Variants in SLC8A1 observed in about 807,000 individuals in gnomAD.
SLC8A1 encodes sodium/calcium exchanger 1.
In SLC8A1, 18 loss-of-function variants were observed where a neutral mutation model predicts 68.3. The observed-to-expected ratio is 0.26, with a 90% confidence interval of 0.18 to 0.39. SLC8A1 has a LOEUF of 0.39. Ranked by LOEUF, SLC8A1 falls within the 10% of genes least tolerant of loss-of-function variation. SLC8A1 has a pLI of 1.00. For synonymous variants in SLC8A1, 475 were observed against 415.5 expected, an observed-to-expected ratio of 1.14 and a Z score of -1.74; for missense variants, 985 against 1,156.7, an observed-to-expected ratio of 0.85 and a Z score of 2.15.
At chr2:40,326,889 C>T (rs1409908856) in intron 2 of SLC8A1, among the ~76,000 whole-genome samples, 1 of 152,196 alleles carries the variant, frequency 6.6e-6, no homozygotes, top group East Asian at 1.9e-4. Context: ...CCTAACCAGA[C>T]TGCAGAGGTA....
At chr2:40,262,719 C>T (rs953729909) in intron 2 of SLC8A1, among the ~76,000 whole-genome samples, 3 of 152,116 alleles carry the variant, frequency 2.0e-5, no homozygotes, top group African/African-American at 7.2e-5. Context: ...GGAGATTTTG[C>T]TCGAGTAATG....
intron 2 of SLC8A1, among the ~76,000 whole-genome samples, chr2:40,365,673 T>A (rs1200310582): frequency 6.6e-6 from 1 of 152,060 alleles, no homozygotes; most frequent in Non-Finnish European, 1.5e-5. Context: ...CACACAAACA[T>A]GTCATTCATT....
chr2:40,210,035 G>A (rs2056293393), intron 2 of SLC8A1: 1 of 152,210 alleles, frequency 6.6e-6, no homozygotes. Flanking sequence ...GTGAGAGAAT[G>A]TATATTTGCT....
intron 2 of SLC8A1, among the ~76,000 whole-genome samples, chr2:40,322,500 T>TG: frequency 9.9e-6 from 1 of 100,650 alleles, no homozygotes; most frequent in South Asian, 2.7e-4. Flanking sequence ...CTACAAAAGG[T>TG]TAAAAAAAAA....
intron 1 of SLC8A1, among the ~76,000 whole-genome samples, chr2:40,469,593 A>G (rs890989753): frequency 4.7e-5 from 7 of 149,412 alleles, no homozygotes; most frequent in African/African-American, 1.7e-4. Context: ...CATCCTTTTT[A>G]TTTTTATTTT....
chr2:40,357,792 C>T (rs1673190348), intron 2 of SLC8A1, among the ~76,000 whole-genome samples: 1 of 152,120 alleles, frequency 6.6e-6, no homozygotes, highest in South Asian at 2.1e-4. Flanking sequence ...GCTTATACGA[C>T]ATTCCTTTAG....
intron 2 of SLC8A1, among the ~76,000 whole-genome samples, chr2:40,230,299 C>T (rs759012467): frequency 9.9e-5 from 15 of 152,172 alleles, no homozygotes; most frequent in Admixed American, 2.6e-4. Context: ...GCCTGTGACA[C>T]ATAAGCTTCT....
intron 2 of SLC8A1, among the ~76,000 whole-genome samples, chr2:40,238,185 C>T (rs970994555): frequency 3.3e-5 from 5 of 151,796 alleles, no homozygotes; most frequent in South Asian, 2.1e-4. Flanking sequence ...TGGGCAATGG[C>T]GGGCGCCCCT....
At chr2:40,326,650 T>C (rs1243680668) in intron 2 of SLC8A1, among the ~76,000 whole-genome samples, 2 of 152,148 alleles carry the variant, frequency 1.3e-5, no homozygotes, top group Non-Finnish European at 2.9e-5. Flanking sequence ...TTGTCCAAAA[T>C]GAAGAGATGA....
intron 2 of SLC8A1, among the ~76,000 whole-genome samples, chr2:40,190,280 C>G (rs941027347): frequency 1.3e-5 from 2 of 152,182 alleles, no homozygotes; most frequent in Non-Finnish European, 2.9e-5. Flanking sequence ...AGCACAATCT[C>G]TCAATCCTTA....
intron 2 of SLC8A1, among the ~76,000 whole-genome samples, chr2:40,291,423 T>G (rs1040486721): frequency 1.3e-5 from 2 of 152,156 alleles, no homozygotes; most frequent in Non-Finnish European, 2.9e-5. Flanking sequence ...TAAGTTCCCC[T>G]GCTCATATTC....
At chr2:40,445,486 T>C (rs537527863) in intron 1 of SLC8A1, among the ~76,000 whole-genome samples, 3 of 152,262 alleles carry the variant, frequency 2.0e-5, no homozygotes, top group African/African-American at 4.8e-5. Flanking sequence ...TTGGATGAAA[T>C]GATTTCAGAG....
At chr2:40,494,640 A>AATATATATAT (rs34595267) in intron 1 of SLC8A1, among the ~76,000 whole-genome samples, 78 of 92,634 alleles carry the variant, frequency 8.4e-4, no homozygotes, top group Middle Eastern at 0.013. Context: ...CTTAAAGTAT[A>AATATATATAT]ATATATATAT....
intron 1 of SLC8A1, among the ~76,000 whole-genome samples, chr2:40,492,458 C>T (rs1705381601): frequency 6.6e-6 from 1 of 152,146 alleles, no homozygotes; most frequent in African/African-American, 2.4e-5. Context: ...TCAAAAACAC[C>T]AAAAGCAATG....
intron 1 of SLC8A1, among the ~76,000 whole-genome samples, chr2:40,451,174 G>A (rs1385635219): frequency 6.6e-6 from 1 of 152,148 alleles, no homozygotes; most frequent in African/African-American, 2.4e-5. Flanking sequence ...TTTCCCCCAA[G>A]AGCCAGCAAA....
chr2:40,398,354 C>G (rs1273059294), intron 2 of SLC8A1, among the ~76,000 whole-genome samples: 1 of 152,136 alleles, frequency 6.6e-6, no homozygotes, highest in Non-Finnish European at 1.5e-5. Flanking sequence ...TAGATCCACT[C>G]CTCACCATAT....
chr2:40,440,363 G>A (rs1253177700), intron 1 of SLC8A1, among the ~76,000 whole-genome samples: 2 of 152,026 alleles, frequency 1.3e-5, no homozygotes, highest in Non-Finnish European at 2.9e-5. Flanking sequence ...GTCACTGGAG[G>A]AAGAAATTCT....
intron 2 of SLC8A1, among the ~76,000 whole-genome samples, chr2:40,235,758 C>T (rs2148925310): frequency 6.7e-6 from 1 of 150,078 alleles, no homozygotes; most frequent in Non-Finnish European, 1.5e-5. Flanking sequence ...TTTCCCTCTA[C>T]ACACTGCTTT....
intron 2 of SLC8A1, among the ~76,000 whole-genome samples, chr2:40,259,528 T>C (rs568572900): frequency 6.6e-6 from 1 of 152,300 alleles, no homozygotes; most frequent in African/African-American, 2.4e-5. Flanking sequence ...GTGCCCAGGC[T>C]GGAGCACAGT....
Sources: gnomAD v4.1 joint callset for allele counts (sites outside exome capture counted in the v4.1 genomes callset) on GRCh38, gnomAD v4.1.1 for gene constraint, MANE v1.5 for transcripts, NCBI Gene and HGNC (gene_info 2026-07-23, HGNC 2026-07-21) for gene names.